Variants in ANO1 observed in about 807,000 individuals in gnomAD.
ANO1 encodes the protein anoctamin-1.
ANO1 carries 59 observed loss-of-function variants against 124.0 expected under a neutral mutation model. The observed-to-expected ratio is 0.48, with a 90% CI of 0.39 to 0.59. The LOEUF (loss-of-function observed/expected upper bound fraction) is 0.59, where lower values mean the gene tolerates loss of function less well. Ranked by LOEUF, ANO1 falls within the 20% of genes least tolerant of loss-of-function variation. The pLI is 0.00. For missense variants in ANO1, 1,059 were observed against 1,328.0 expected (o/e 0.80, Z 3.15); for synonymous variants, 529 against 532.0 (o/e 0.99, Z 0.08).
chr11:70,169,534 G>T (rs1180362490), intron 21 of ANO1, among the ~76,000 whole-genome samples: 1 of 150,484 alleles, frequency 6.6e-6, no homozygotes, highest in East Asian at 2.0e-4. Context: ...AGTAGGCAGC[G>T]CCTCTCGGAA....
At chr11:70,150,862 AT>A (rs1183657589) in intron 12 of ANO1, among the ~76,000 whole-genome samples, 5 of 152,066 alleles carry the variant, frequency 3.3e-5, no homozygotes, top group East Asian at 1.9e-4. Flanking sequence ...TTTAAAAAAA[AT>A]TTTTTTTAAC....
chr11:70,022,283 A>T (rs374657178), intron 1 of ANO1, among the ~76,000 whole-genome samples: 1 of 152,150 alleles, frequency 6.6e-6, no homozygotes, highest in South Asian at 2.1e-4. Flanking sequence ...GTTCTGGCAC[A>T]CAGTAGGTGC....
At chr11:70,166,296 C>T (rs1207128943) in intron 20 of ANO1, among the ~76,000 whole-genome samples, 7 of 152,014 alleles carry the variant, frequency 4.6e-5, no homozygotes, top group East Asian at 1.9e-4. Flanking sequence ...CCAGCCTGGG[C>T]GACAGACCGA....
chr11:70,086,682 C>T (rs2044401414), intron 1 of ANO1, among the ~76,000 whole-genome samples: 1 of 152,254 alleles, frequency 6.6e-6, no homozygotes, highest in African/African-American at 2.4e-5. Context: ...GATCACCCAA[C>T]TTCCTCACCC....
chr11:70,143,898 CAT>C (rs1203152032), intron 11 of ANO1, among the ~76,000 whole-genome samples: 1 of 152,162 alleles, frequency 6.6e-6, no homozygotes, highest in Non-Finnish European at 1.5e-5. Flanking sequence ...GCATTTAGCA[CAT>C]GTTATGCATC....
chr11:69,986,403 CG>C (rs1856042360), intron 1 of ANO1, among the ~76,000 whole-genome samples: 1 of 151,754 alleles, frequency 6.6e-6, no homozygotes, highest in African/African-American at 2.4e-5. Flanking sequence ...GACAAACAGA[CG>C]ACAGACAGAG....
chr11:70,010,402 T>A (rs1206569539), intron 1 of ANO1, among the ~76,000 whole-genome samples: 1 of 151,462 alleles, frequency 6.6e-6, no homozygotes, highest in Non-Finnish European at 1.5e-5. Flanking sequence ...TGGAAATGAC[T>A]AGAGTGAAAG....
chr11:69,976,554 AG>A, the ANO1 span, among the ~76,000 whole-genome samples: 1 of 77,892 alleles, frequency 1.3e-5, no homozygotes, highest in African/African-American at 4.5e-5. Flanking sequence ...AAAAAAAAAA[AG>A]AGAGAGAGAG....
intron 11 of ANO1, 102 bp from the exon 12 acceptor site, chr11:70,149,608 C>T (rs2135624394): frequency 8.2e-7 from 1 of 1,221,708 alleles, no homozygotes; most frequent in African/African-American, 1.5e-5. Context: ...GGAGATTGCG[C>T]CATTGCACTA....
intron 15 of ANO1, 51 bp downstream of exon 15, chr11:70,156,039 C>A: frequency 1.4e-6 from 2 of 1,413,840 alleles, no homozygotes; most frequent in South Asian, 2.9e-5. Flanking sequence ...TGCAGGCAAT[C>A]AAAGTCGATT....
At chr11:70,108,723 C>T (rs2045656530) in intron 6 of ANO1, among the ~76,000 whole-genome samples, 1 of 152,190 alleles carries the variant, frequency 6.6e-6, no homozygotes, top group African/African-American at 2.4e-5. Flanking sequence ...ATTCCTGGCC[C>T]TCTCTTGACC....
At chr11:69,986,706 G>C (rs1856050350) in intron 1 of ANO1, among the ~76,000 whole-genome samples, 1 of 152,090 alleles carries the variant, frequency 6.6e-6, no homozygotes, top group Non-Finnish European at 1.5e-5. Context: ...TAGGCCGGAG[G>C]GGGAGTCCCT....
At chr11:70,042,668 T>G (rs1365528392) in intron 1 of ANO1, among the ~76,000 whole-genome samples, 1 of 151,932 alleles carries the variant, frequency 6.6e-6, no homozygotes. Flanking sequence ...CACCAGAAGA[T>G]AGTAGATTCA....
chr11:70,176,152 T>G (rs573033881), intron 22 of ANO1, among the ~76,000 whole-genome samples: 2 of 132,730 alleles, frequency 1.5e-5, no homozygotes, highest in African/African-American at 6.0e-5. Flanking sequence ...TATATATATA[T>G]ACACTTTTTT....
At position 70,185,340 on chromosome 11, in the gene ANO1, A is replaced by G. The variant is rs139207790; in HGVS notation, c.2589-250A>G. On this transcript the variant is annotated intron_variant, in intron 24 of 25. Coordinates refer to ENST00000355303, the MANE Select transcript of ANO1 (RefSeq NM_018043.7). ...GCTGGGCCTGGGGATACTTCCTGCC[A>G]CATGTGTTTTACATGAAGCCCGTCA... is the stretch of plus-strand genomic sequence containing the variant. Among the ~76,000 whole-genome samples the G allele has an allele frequency of 7.9e-5, 12 of 152,312 alleles. No homozygotes were observed. In the East Asian group the frequency reaches 1.9e-3, roughly 25 times the overall value.
At chr11:70,026,485 G>T (rs1215209722) in intron 1 of ANO1, among the ~76,000 whole-genome samples, 1 of 151,890 alleles carries the variant, frequency 6.6e-6, no homozygotes, top group African/African-American at 2.4e-5. Flanking sequence ...TGGTGGTGGT[G>T]ATGCTGGTGA....
chr11:69,988,696 A>T (rs1339552499), intron 1 of ANO1, among the ~76,000 whole-genome samples: 1 of 152,124 alleles, frequency 6.6e-6, no homozygotes, highest in Admixed American at 6.5e-5. Context: ...GTTATTCTTT[A>T]ATAAGCTACT....
the ANO1 span, among the ~76,000 whole-genome samples, chr11:69,980,827 G>T: frequency 1.3e-5 from 2 of 152,206 alleles, no homozygotes; most frequent in Non-Finnish European, 2.9e-5. Context: ...GCCAAGGCGG[G>T]CAGATCACAA....
intron 2 of ANO1, among the ~76,000 whole-genome samples, chr11:70,088,507 CAA>C (rs35498359): frequency 1.5e-5 from 2 of 132,602 alleles, no homozygotes. Flanking sequence ...GACTCTGCCT[CAA>C]AAAAAAAAAA....
Sources: allele counts gnomAD v4.1 joint callset (sites outside exome capture counted in the v4.1 genomes callset), GRCh38; gene constraint gnomAD v4.1.1; transcripts MANE v1.5; gene names NCBI Gene and HGNC (gene_info 2026-07-23, HGNC 2026-07-21).